PDGFRL: variants seen among roughly 807,000 people sequenced by gnomAD.
The protein encoded by PDGFRL is platelet-derived growth factor receptor-like protein.
Under a neutral mutation model 37.2 loss-of-function variants are expected in PDGFRL, and 46 were observed. The ratio of observed to expected loss-of-function variants is 1.24; its 90% confidence interval spans 0.98 to 1.58. The LOEUF is 1.58. PDGFRL is among the 40% of genes most tolerant of loss of function. The pLI is 0.00. For synonymous variants in PDGFRL, 251 were observed against 184.3 expected (o/e 1.36, Z -2.93); for missense variants, 692 against 467.6 (o/e 1.48, Z -4.43).
intron 1 of PDGFRL, among the ~76,000 whole-genome samples, chr8:17,582,664 G>A (rs1803732401): frequency 6.6e-6 from 1 of 152,018 alleles, no homozygotes; most frequent in Non-Finnish European, 1.5e-5. Context: ...ATTATGAAAA[G>A]GGAAGCAGAG....
Position 17,641,117 on chromosome 8 carries a change from C to T in PDGFRL, c.940-1496C>T, listed in dbSNP as rs150906694. 2.4e-3 allele frequency among the ~76,000 whole-genome samples: 361 copies of T among 152,284 alleles called. 4 individuals carry two copies. The Middle Eastern group carries it at 0.034, about 14-fold the overall frequency. ...TAGCCCAAAGGGCCGGTCTCACTCC[C>T]TCTGTCCCTGCCAACAGCACCGAGT... On this transcript the variant is annotated intron_variant, in intron 5 of 5. Coordinates refer to ENST00000251630, the MANE Select transcript of PDGFRL (RefSeq NM_001372073.1).
At chr8:17,626,390 C>G (rs1265242578) in intron 3 of PDGFRL, among the ~76,000 whole-genome samples, 2 of 152,158 alleles carry the variant, frequency 1.3e-5, no homozygotes, top group Admixed American at 1.3e-4. Flanking sequence ...GACGGAGACT[C>G]TCTGAGCCAT....
At chr8:17,638,410 C>T (rs1038712990) in intron 5 of PDGFRL, among the ~76,000 whole-genome samples, 1 of 151,910 alleles carries the variant, frequency 6.6e-6, no homozygotes, top group African/African-American at 2.4e-5. Flanking sequence ...TGAGAGAGTA[C>T]TTGATATAAT....
intron 2 of PDGFRL, among the ~76,000 whole-genome samples, chr8:17,609,669 G>T (rs866971816): frequency 8.1e-4 from 72 of 88,772 alleles, no homozygotes; most frequent in African/African-American, 2.3e-3. Flanking sequence ...AAAAAAATAA[G>T]AGCCAAAGAG....
intron 2 of PDGFRL, among the ~76,000 whole-genome samples, chr8:17,610,287 TG>T (rs1804383348): frequency 1.3e-5 from 2 of 152,176 alleles, no homozygotes; most frequent in South Asian, 4.1e-4. Context: ...TTCTGCTACA[TG>T]GTAAGATTAG....
intron 2 of PDGFRL, among the ~76,000 whole-genome samples, chr8:17,592,991 G>A (rs73198138): frequency 0.013 from 1,984 of 151,606 alleles, 21 homozygotes; most frequent in Non-Finnish European, 0.023. Flanking sequence ...AAAAATAGAC[G>A]TATAAGTGAT....
intron 2 of PDGFRL, among the ~76,000 whole-genome samples, chr8:17,598,275 G>C (rs1804095268): frequency 6.6e-6 from 1 of 152,166 alleles, no homozygotes; most frequent in South Asian, 2.1e-4. Flanking sequence ...CTAGAACCCA[G>C]TTGCCTTATC....
chr8:17,610,273 G>T (rs1242981164), intron 2 of PDGFRL, among the ~76,000 whole-genome samples: 2 of 152,182 alleles, frequency 1.3e-5, no homozygotes, highest in Non-Finnish European at 2.9e-5. Flanking sequence ...AAGTGCTGAT[G>T]AGCTTCTGCT....
intron 2 of PDGFRL, among the ~76,000 whole-genome samples, chr8:17,617,414 C>A (rs1473411264): frequency 6.6e-6 from 1 of 152,170 alleles, no homozygotes; most frequent in Non-Finnish European, 1.5e-5. Flanking sequence ...AGCGGTTACA[C>A]AGAAAGGAAG....
Position 17,639,789 on chromosome 8 carries a change from G to A in PDGFRL, c.940-2824G>A, listed in dbSNP as rs148825113. ...TCTTTTTGCAATGAATTTCTCAGGT[G>A]TTCTTTGAGCTTCTTGTATTCAGAT... On this transcript the variant is annotated intron_variant, in intron 5 of 5. Transcript: ENST00000251630. 5.4e-3 allele frequency among the ~76,000 whole-genome samples: 815 copies of A among 152,282 alleles called. 5 individuals are homozygous for A. The highest frequency in any genetic ancestry group is 0.019 in the African/African-American group (776 of 41,560).
chr8:17,599,105 A>AT (rs1804113485), intron 2 of PDGFRL, among the ~76,000 whole-genome samples: 1 of 152,012 alleles, frequency 6.6e-6, no homozygotes, highest in Non-Finnish European at 1.5e-5. Context: ...CTTTATCCAC[A>AT]TTGCACCTTT....
intron 2 of PDGFRL, among the ~76,000 whole-genome samples, chr8:17,596,033 C>A (rs1804045282): frequency 6.6e-6 from 1 of 152,182 alleles, no homozygotes; most frequent in African/African-American, 2.4e-5. Flanking sequence ...GTGGGTGGGG[C>A]CTCCACAGAC....
intron 2 of PDGFRL, among the ~76,000 whole-genome samples, chr8:17,619,074 T>C (rs1311307624): frequency 6.6e-6 from 1 of 152,206 alleles, no homozygotes; most frequent in Non-Finnish European, 1.5e-5. Context: ...CCAACTCACC[T>C]GACATTTTCC....
rs764096739 is a variant in PDGFRL, at chr8:17,634,136, G to A, written c.862G>A (p.Asp288Asn). The A allele has an allele frequency of 4.2e-5, 67 of 1,613,086 alleles. No homozygotes were observed. The East Asian group carries it at 4.5e-4, about 11-fold the overall frequency. Residue 288 changes from aspartate (D) to asparagine (N), a missense_variant, in exon 5 of 6, where the codon GAC (aspartate) becomes AAC (asparagine). Coordinates refer to ENST00000251630, the MANE Select transcript of PDGFRL (RefSeq NM_001372073.1). ...TTCAAACAAAGTGAAAAGTGGGGAC[G>A]ACATCAGTGTGCTCTGCACTGTCCT... The part of the protein sequence containing the change: ...ASSNKVKSGD[D>N]ISVLCTVLGE...
intron 4 of PDGFRL, among the ~76,000 whole-genome samples, chr8:17,631,831 T>C (rs1804867682): frequency 6.6e-6 from 1 of 152,198 alleles, no homozygotes; most frequent in Non-Finnish European, 1.5e-5. Context: ...TGGTCAGCTC[T>C]TAGCCTTCTA....
intron 2 of PDGFRL, among the ~76,000 whole-genome samples, chr8:17,591,178 G>A (rs1472590216): frequency 1.3e-5 from 2 of 152,092 alleles, no homozygotes; most frequent in Non-Finnish European, 2.9e-5. Flanking sequence ...CACCGCGCCT[G>A]GCTGCTTCTG....
chr8:17,608,221 A>C (rs1034217198), intron 2 of PDGFRL, among the ~76,000 whole-genome samples: 8 of 151,850 alleles, frequency 5.3e-5, no homozygotes, highest in Non-Finnish European at 1.2e-4. Flanking sequence ...TGTCCAAAGC[A>C]CTCCTCTCTC....
At chr8:17,583,986 C>A (rs1170642525) in intron 1 of PDGFRL, among the ~76,000 whole-genome samples, 1 of 152,136 alleles carries the variant, frequency 6.6e-6, no homozygotes, top group East Asian at 1.9e-4. Context: ...TTTATAGCCA[C>A]ATAGACGGCC....
intron 3 of PDGFRL, among the ~76,000 whole-genome samples, chr8:17,623,387 C>A (rs1337705205): frequency 6.6e-6 from 1 of 152,132 alleles, no homozygotes; most frequent in East Asian, 1.9e-4. Flanking sequence ...TGTATTATAC[C>A]ATGCTGTGAA....
Sources: allele counts gnomAD v4.1 joint callset (sites outside exome capture counted in the v4.1 genomes callset), GRCh38; gene constraint gnomAD v4.1.1; transcripts MANE v1.5; gene names NCBI Gene and HGNC (gene_info 2026-07-23, HGNC 2026-07-21).